Variants in MAPK8IP3 observed in about 807,000 individuals in gnomAD.
The protein encoded by MAPK8IP3 is C-Jun-amino-terminal kinase-interacting protein 3.
MAPK8IP3 carries 49 observed loss-of-function variants against 157.8 expected under a neutral mutation model. That is an observed-to-expected ratio of 0.31 (90% confidence interval 0.25 to 0.39). The LOEUF is 0.39. Among genes scored for constraint, MAPK8IP3 ranks in the 10% least tolerant of loss-of-function variants. The pLI, the probability that MAPK8IP3 is intolerant of heterozygous loss-of-function variation, is 1.00. For missense variants in MAPK8IP3, 1,478 were observed against 1,889.4 expected, an observed-to-expected ratio of 0.78 and a Z score of 4.04; for synonymous variants, 897 against 777.7, an observed-to-expected ratio of 1.15 and a Z score of -2.55.
intron 4 of MAPK8IP3, among the ~76,000 whole-genome samples, chr16:1,739,023 TGTGTGAGCGTCC>T (rs1183614944): frequency 1.2e-3 from 149 of 120,058 alleles, no homozygotes; most frequent in African/African-American, 3.5e-3. Flanking sequence ...TGTGAGCATC[TGTGTGAGCGTCC>T]GTGTGAGCGT....
In MAPK8IP3 at chr16:1,737,060, G is replaced by C. The variant is rs553170225; in HGVS notation, c.603-6272G>C. Among the ~76,000 whole-genome samples, 344 of 82,252 alleles carry C rather than the reference G, an allele frequency of 4.2e-3. 13 individuals carry two copies. Among genetic ancestry groups the C allele is most frequent in the African/African-American group, 0.014 (297 of 20,618 alleles). 54.0% of individuals were successfully genotyped at this position (82,252 alleles called of 152,430 possible). On this transcript the variant is annotated intron_variant, in intron 4 of 31. Coordinates refer to ENST00000610761, the MANE Select transcript of MAPK8IP3 (RefSeq NM_001318852.2). ...AGCATCCGTGTGACCGTCCGTGTGA[G>C]CGTCCGTGTGAGCGTGTGACCGTCC...
At chr16:1,764,008 T>G in intron 17 of MAPK8IP3, 107 bp from the exon 18 acceptor site, 2 of 1,207,666 alleles carry the variant, frequency 1.7e-6, no homozygotes, top group Non-Finnish European at 2.3e-6. Context: ...CCTCCAGTCT[T>G]GAAGTGGCTG....
Position 1,741,188 on chromosome 16 carries a change from G to A in MAPK8IP3, c.603-2144G>A, listed in dbSNP as rs1027417891. ...GACCCCCAAGGGCAGCGTGACCCCC[G>A]AGGGTGGCGTGACCCCTGGGGGTGG... On this transcript the variant is annotated intron_variant, in intron 4 of 31. Transcript: ENST00000610761. This position sits in a 1 kb window ranked among gnomAD's most constrained non-coding sequence, Gnocchi z 6.9. Among the ~76,000 whole-genome samples, 32 of 152,276 alleles carry A rather than the reference G, an allele frequency of 2.1e-4. 1 individual carries two copies. Among genetic ancestry groups the A allele is most frequent in the Admixed American group, 1.8e-3 (27 of 15,304 alleles).
rs964710024 is a variant in MAPK8IP3, at chr16:1,710,304, G to GA, written c.318+3657dup. 1.8e-4 allele frequency among the ~76,000 whole-genome samples: 26 copies of GA among 142,636 alleles called. No individual in the cohort carries two copies. Among genetic ancestry groups the GA allele is most frequent in the African/African-American group, 5.9e-4 (23 of 38,700 alleles). 93.6% of individuals were successfully genotyped at this position (142,636 alleles called of 152,430 possible). A position where few individuals can be genotyped will look rare whatever the true frequency, so the allele number is the denominator to read the frequency against. On this transcript the variant is annotated intron_variant, in intron 1 of 31. Coordinates refer to ENST00000610761, the MANE Select transcript of MAPK8IP3 (RefSeq NM_001318852.2). The surrounding 1 kb of genome is among the most constrained non-coding windows in gnomAD (Gnocchi z 4.1). ...CTGGCGAAACCCTGTCTCTACTAAA[G>GA]AAAAAAAAAAGAAAAAAAAATTAGC...
intron 6 of MAPK8IP3, 82 bp downstream of exon 6, chr16:1,747,357 A>C: frequency 6.5e-7 from 1 of 1,543,822 alleles, no homozygotes; most frequent in Non-Finnish European, 8.8e-7. Context: ...CTAATGCACC[A>C]GGCGGGCAGT....
At chr16:1,762,033 C>T (rs1296195269) in intron 13 of MAPK8IP3, among the ~76,000 whole-genome samples, 1 of 152,186 alleles carries the variant, frequency 6.6e-6, no homozygotes, top group Non-Finnish European at 1.5e-5. Context: ...GCTCTCCCAC[C>T]CCTCCTGGGT....
At position 1,710,587 on chromosome 16, in the gene MAPK8IP3, C is replaced by G. The variant is rs1371700751; in HGVS notation, c.318+3930C>G. Among the ~76,000 whole-genome samples, 1 of 152,196 alleles carries G rather than the reference C, an allele frequency of 6.6e-6. No individual in the cohort carries two copies. Among genetic ancestry groups the G allele is most frequent in the Non-Finnish European group, 1.5e-5 (1 of 68,032 alleles). On this transcript the variant is annotated intron_variant, in intron 1 of 31. Transcript: ENST00000610761. This position sits in a 1 kb window ranked among gnomAD's most constrained non-coding sequence, Gnocchi z 4.1. Reference sequence around the variant, plus strand: ...CATAATCCCGCTCTACAGAGATGATCAGTCTGCCATTTTTCCTTCTTTTTT... The same window carrying G: ...CATAATCCCGCTCTACAGAGATGATGAGTCTGCCATTTTTCCTTCTTTTTT...
chr16:1,745,309 C>T, intron 5 of MAPK8IP3: 3 of 399,980 alleles, frequency 7.5e-6, no homozygotes, highest in Non-Finnish European at 1.0e-5. Flanking sequence ...ACATGGGGTT[C>T]CCTGTTTTCT....
Position 1,768,161 on chromosome 16 carries a change from G to C in MAPK8IP3, c.3563-38G>C, listed in dbSNP as rs551989738. 3.1e-5 allele frequency: 50 copies of C among 1,611,964 alleles called. 1 individual carries two copies. In the South Asian group the frequency reaches 5.3e-4, roughly 17 times the overall value. ...CGGGAGCCTCTCCCACTCTCCACCT[G>C]TATGCGGGCTCAGCGCCTCTGGGTT... On this transcript the variant is annotated intron_variant, in intron 29 of 31. Transcript: ENST00000610761.
At chr16:1,758,252 G>C in intron 9 of MAPK8IP3, 93 bp downstream of exon 9, 2 of 1,465,192 alleles carry the variant, frequency 1.4e-6, no homozygotes, top group Non-Finnish European at 1.9e-6. Flanking sequence ...CACCGTGGCT[G>C]TGTGGACTGC....
chr16:1,760,657 C>A, intron 12 of MAPK8IP3, 125 bp downstream of exon 12: 1 of 1,214,170 alleles, frequency 8.2e-7, no homozygotes, highest in Non-Finnish European at 1.1e-6. Context: ...CTACCTCCAG[C>A]TCCAGCTCAC....
At position 1,706,456 on chromosome 16, in the gene MAPK8IP3, G is replaced by A. The variant is rs376689450; in HGVS notation, c.117G>A (p.Glu39=). Residue 39 remains glutamate, a synonymous_variant, in exon 1 of 32, where the codon GAG becomes GAA. Transcript: ENST00000610761. This position sits in a 1 kb window ranked among gnomAD's most constrained non-coding sequence, Gnocchi z 5.1. The part of the protein sequence containing the change: ...VSGLAGSIYR[E]FERLIHCYDE... ...GCCTGGCGGGCTCCATCTACCGCGA[G>A]TTCGAGCGCCTCATCCACTGCTACG... is the stretch of plus-strand genomic sequence containing the variant. 5 of 1,613,916 alleles carry A rather than the reference G, an allele frequency of 3.1e-6. No individual in the cohort carries two copies. In the African/African-American group the frequency reaches 6.7e-5, roughly 22 times the overall value.
Position 1,729,585 on chromosome 16 carries a change from G to GGGGCGC in MAPK8IP3, c.602+10_602+15dup, listed in dbSNP as rs776785178. ...GCAGCCTGCCGGGGCGGAGGTACGC[G>GGGGCGC]GGGCGCGGCGGGGTGGAGGTACGCG... On this transcript the variant is annotated splice_region_variant and intron_variant, in intron 4 of 31. Coordinates refer to ENST00000610761, the MANE Select transcript of MAPK8IP3 (RefSeq NM_001318852.2). 2.5e-6 allele frequency: 4 copies of GGGGCGC among 1,582,410 alleles called. No homozygotes were observed. Among genetic ancestry groups the GGGGCGC allele is most frequent in the Non-Finnish European group, 3.4e-6 (4 of 1,162,018 alleles).
rs1243731541 is a variant in MAPK8IP3, at chr16:1,710,135, G to A, written c.318+3478G>A. Among the ~76,000 whole-genome samples, 4 of 152,048 alleles carry A rather than the reference G, an allele frequency of 2.6e-5. No individual in the cohort carries two copies. Among genetic ancestry groups the A allele is most frequent in the Non-Finnish European group, 4.4e-5 (3 of 68,004 alleles). On this transcript the variant is annotated intron_variant, in intron 1 of 31. Coordinates refer to ENST00000610761, the MANE Select transcript of MAPK8IP3 (RefSeq NM_001318852.2). The surrounding 1 kb of genome is among the most constrained non-coding windows in gnomAD (Gnocchi z 4.1). ...AGCACTTTGGGAGGCTGAGGCAGGCGAGAGATGAGGTCACGCTATGTTGCC... is the reference window on the plus strand; with the variant it reads ...AGCACTTTGGGAGGCTGAGGCAGGCAAGAGATGAGGTCACGCTATGTTGCC...
Position 1,763,791 on chromosome 16 carries a change from C to G in MAPK8IP3, c.2025+8C>G. ...CCCGCCAAGTACAAGCAGGTGCGGG[C>G]GGGCGCTGCGGGGACCGGGCGGGGC... On this transcript the variant is annotated splice_region_variant and intron_variant, in intron 17 of 31. Coordinates refer to ENST00000610761, the MANE Select transcript of MAPK8IP3 (RefSeq NM_001318852.2). 1 of 1,244,984 alleles carries G rather than the reference C, an allele frequency of 8.0e-7. No individual in the cohort carries two copies. The highest frequency in any genetic ancestry group is 1.0e-6 in the Non-Finnish European group (1 of 963,800). The allele number at this position is 1,244,984 out of a possible 1,614,324, so 77.1% of individuals were successfully genotyped here.
At chr16:1,729,383 C>T (rs1318747912) in intron 3 of MAPK8IP3, 104 bp from the exon 4 acceptor site, 4 of 1,319,674 alleles carry the variant, frequency 3.0e-6, no homozygotes, top group African/African-American at 1.4e-5. Flanking sequence ...AGGACGCTGT[C>T]TTGATTTCTG....
intron 17 of MAPK8IP3, 112 bp from the exon 18 acceptor site, chr16:1,764,003 A>G: frequency 8.7e-7 from 1 of 1,155,716 alleles, no homozygotes; most frequent in Admixed American, 2.7e-5. Flanking sequence ...ACCTGCCTCC[A>G]GTCTTGAAGT....
At chr16:1,758,314 G>C (rs1269844308) in intron 9 of MAPK8IP3, among the ~76,000 whole-genome samples, 155 bp downstream of exon 9, 1 of 152,198 alleles carries the variant, frequency 6.6e-6, no homozygotes, top group Non-Finnish European at 1.5e-5. Context: ...CCGCCGCTCG[G>C]AAGCTTGTTC....
chr16:1,737,441 C>T (rs1295759235), intron 4 of MAPK8IP3, among the ~76,000 whole-genome samples: 1 of 85,066 alleles, frequency 1.2e-5, no homozygotes, highest in African/African-American at 4.6e-5. Context: ...AGTGTGTGAG[C>T]GTCCGTGTGA....
Sources: gnomAD v4.1 joint callset for allele counts (sites outside exome capture counted in the v4.1 genomes callset) on GRCh38, gnomAD v4.1.1 for gene constraint, Gnocchi (gnomAD v3.1) non-coding constraint, MANE v1.5 for transcripts, NCBI Gene and HGNC (gene_info 2026-07-23, HGNC 2026-07-21) for gene names.